Variants in ULK4 observed in about 807,000 individuals in gnomAD.
ULK4 encodes inactive serine/threonine-protein kinase ULK4.
In ULK4, 133 loss-of-function variants were observed where a neutral mutation model predicts 160.6. That is an observed-to-expected ratio of 0.83 (90% CI 0.72 to 0.96). ULK4 has a LOEUF of 0.96. Ranked by LOEUF, ULK4 falls within the 40% of genes least tolerant of loss-of-function variation. ULK4 has a pLI of 0.00. For missense variants in ULK4, 1,580 were observed against 1,499.5 expected (o/e 1.05, Z -0.89); for synonymous variants, 534 against 539.8 (o/e 0.99, Z 0.15).
chr3:41,950,138 G>A (rs1004154763), intron 2 of ULK4, among the ~76,000 whole-genome samples: 5 of 151,544 alleles, frequency 3.3e-5, no homozygotes, highest in African/African-American at 7.3e-5. Context: ...TCAGGTTGGA[G>A]CACAGTGGCA....
At chr3:41,804,886 C>G (rs776586203) in intron 19 of ULK4, among the ~76,000 whole-genome samples, 18,306 of 151,464 alleles carry the variant, frequency 0.12, 1,135 homozygotes, top group Middle Eastern at 0.24. Flanking sequence ...GTTACTGTAG[C>G]CTTGTAGTAT....
At chr3:41,472,141 G>A (rs1193081129) in intron 32 of ULK4, among the ~76,000 whole-genome samples, 1 of 151,916 alleles carries the variant, frequency 6.6e-6, no homozygotes, top group Non-Finnish European at 1.5e-5. Flanking sequence ...AAATGAAAGA[G>A]AAGAAATTAA....
intron 34 of ULK4, among the ~76,000 whole-genome samples, chr3:41,442,225 G>T (rs1281849407): frequency 6.6e-6 from 1 of 152,160 alleles, no homozygotes; most frequent in Non-Finnish European, 1.5e-5. Flanking sequence ...ACAGGACAGA[G>T]GAGGTAGAAA....
intron 32 of ULK4, among the ~76,000 whole-genome samples, chr3:41,478,387 T>C (rs772212775): frequency 6.6e-6 from 1 of 152,248 alleles, no homozygotes; most frequent in African/African-American, 2.4e-5. Flanking sequence ...TACATTCATT[T>C]TGAATTACTT....
intron 32 of ULK4, among the ~76,000 whole-genome samples, chr3:41,473,688 GAACT>G (rs2084057320): frequency 8.7e-6 from 1 of 114,490 alleles, no homozygotes; most frequent in Non-Finnish European, 1.8e-5. Flanking sequence ...AAAAAAAGAA[GAACT>G]AATAAATACA....
chr3:41,906,534 CAA>C (rs1698568221), intron 12 of ULK4, among the ~76,000 whole-genome samples: 1 of 150,694 alleles, frequency 6.6e-6, no homozygotes, highest in African/African-American at 2.4e-5. Flanking sequence ...AACTCAAAAA[CAA>C]AAAGTTAAAC....
intron 18 of ULK4, among the ~76,000 whole-genome samples, chr3:41,827,759 A>C (rs992932170): frequency 6.6e-6 from 1 of 152,134 alleles, no homozygotes. Context: ...AAACTATTCC[A>C]ATCAATAGAA....
At chr3:41,727,421 A>G (rs951231006) in intron 22 of ULK4, among the ~76,000 whole-genome samples, 2 of 152,254 alleles carry the variant, frequency 1.3e-5, no homozygotes, top group African/African-American at 4.8e-5. Context: ...GGTGACAAGT[A>G]CTATGGAGAA....
intron 34 of ULK4, among the ~76,000 whole-genome samples, chr3:41,398,704 T>A (rs1044120509): frequency 2.6e-5 from 4 of 152,090 alleles, no homozygotes; most frequent in Non-Finnish European, 5.9e-5. Context: ...AATACTTTTT[T>A]AAATGCATCT....
chr3:41,456,213 A>C (rs2083549474), intron 33 of ULK4, among the ~76,000 whole-genome samples: 1 of 152,198 alleles, frequency 6.6e-6, no homozygotes, highest in Non-Finnish European at 1.5e-5. Context: ...CCCAGCCAAA[A>C]GTGCTTTATC....
chr3:41,545,708 A>G (rs1005879237), intron 32 of ULK4, among the ~76,000 whole-genome samples: 23 of 151,684 alleles, frequency 1.5e-4, no homozygotes, highest in African/African-American at 4.8e-4. Context: ...ACTTCTTTAA[A>G]TTCTTTTTCT....
At position 41,681,563 on chromosome 3, in the gene ULK4, T is replaced by C. The variant is rs755792153; in HGVS notation, c.2923A>G (p.Ser975Gly). The C allele has an allele frequency of 2.8e-5, 45 of 1,613,852 alleles. No individual in the cohort carries two copies. The highest frequency in any genetic ancestry group is 1.6e-4 in the Middle Eastern group (1 of 6,082). ...QEFGDGKEKASVDSDSNLLAL... is the reference protein window; with the variant it reads ...QEFGDGKEKAGVDSDSNLLAL... ...AGAAGATTGCTGTCAGAATCAACAC[T>C]GGCCTTCTCCTTGCCATCCCCAAAC... The change falls in exon 29 of 37, where the codon AGT becomes GGT. Residue 975 changes from serine (S) to glycine (G), a missense_variant. Physicochemically the swap from Ser to Gly is moderately conservative, Grantham distance 56. Coordinates refer to ENST00000301831, the MANE Select transcript of ULK4 (RefSeq NM_017886.4).
At chr3:41,528,895 G>C (rs77443493) in intron 32 of ULK4, among the ~76,000 whole-genome samples, 187 of 152,252 alleles carry the variant, frequency 1.2e-3, no homozygotes, top group African/African-American at 4.4e-3. Context: ...TAATACCTGG[G>C]TGATGAAATA....
intron 25 of ULK4, among the ~76,000 whole-genome samples, chr3:41,711,776 A>G (rs914419658): frequency 6.6e-6 from 1 of 152,262 alleles, no homozygotes; most frequent in Non-Finnish European, 1.5e-5. Flanking sequence ...TAGGAAATAT[A>G]GTGAATGTTA....
Position 41,801,042 on chromosome 3 carries a change from A to G in ULK4, c.1849-749T>C, listed in dbSNP as rs144404128. Among the ~76,000 whole-genome samples, 103 of 152,348 alleles carry G rather than the reference A, an allele frequency of 6.8e-4. 2 individuals carry two copies. The East Asian group carries it at 0.017, about 25-fold the overall frequency. On this transcript the variant is annotated intron_variant, in intron 19 of 36. Transcript: ENST00000301831. ...ATGATTCATAATTCAATCGCTAGAA[A>G]TGACTGATAGACTTAGTAGAAAGAT...
At chr3:41,676,379 G>A (rs1209723798) in intron 29 of ULK4, among the ~76,000 whole-genome samples, 5 of 152,078 alleles carry the variant, frequency 3.3e-5, no homozygotes, top group South Asian at 2.1e-4. Context: ...GTAGGTCATG[G>A]GAAAACTGTC....
chr3:41,913,726 G>A (rs1698876074), intron 8 of ULK4, among the ~76,000 whole-genome samples: 1 of 152,008 alleles, frequency 6.6e-6, no homozygotes, highest in African/African-American at 2.4e-5. Flanking sequence ...ATTTTGGGAG[G>A]CCAAGGTGGG....
At chr3:41,484,838 G>A (rs1210388154) in intron 32 of ULK4, among the ~76,000 whole-genome samples, 1 of 152,068 alleles carries the variant, frequency 6.6e-6, no homozygotes, top group Non-Finnish European at 1.5e-5. Context: ...TTTCCACTCT[G>A]ATACTTTATG....
chr3:41,830,174 A>G (rs2041527074), intron 18 of ULK4, among the ~76,000 whole-genome samples: 1 of 152,192 alleles, frequency 6.6e-6, no homozygotes, highest in Admixed American at 6.5e-5. Flanking sequence ...GAGGGATAGC[A>G]TTAGCAGATA....
Sources: gnomAD v4.1 joint callset for allele counts (sites outside exome capture counted in the v4.1 genomes callset) on GRCh38, gnomAD v4.1.1 for gene constraint, MANE v1.5 for transcripts, NCBI Gene and HGNC (gene_info 2026-07-23, HGNC 2026-07-21) for gene names.